The following TMC2 variants were observed in gnomAD, a reference collection of about 807,000 sequenced individuals.
The protein encoded by TMC2 is transmembrane channel like 2.
TMC2 carries 102 observed loss-of-function variants against 105.9 expected under a neutral mutation model. That is an observed-to-expected ratio of 0.96 (90% CI 0.82 to 1.14). TMC2 has a LOEUF of 1.14. Ranked by LOEUF, TMC2 falls within the 50% of genes most tolerant of loss-of-function variation. The probability of loss-of-function intolerance (pLI) is 0.00; values close to 1 mark genes in which losing one functional copy is unlikely to be tolerated. For missense variants in TMC2, 1,093 were observed against 1,134.3 expected, an observed-to-expected ratio of 0.96 and a Z score of 0.52; for synonymous variants, 402 against 422.8, an observed-to-expected ratio of 0.95 and a Z score of 0.60.
At chr20:2,571,378 C>T (rs2086101462) in intron 4 of TMC2, among the ~76,000 whole-genome samples, 1 of 152,090 alleles carries the variant, frequency 6.6e-6, no homozygotes, top group Non-Finnish European at 1.5e-5. Flanking sequence ...ACATACAAGC[C>T]TCCAACAAAC....
chr20:2,552,326 T>C (rs1344156258), intron 2 of TMC2, among the ~76,000 whole-genome samples: 2 of 152,218 alleles, frequency 1.3e-5, no homozygotes, highest in African/African-American at 2.4e-5. Flanking sequence ...GGGATTTTGA[T>C]TGAAATCGCA....
intron 19 of TMC2, 131 bp from the exon 20 acceptor site, chr20:2,641,003 G>A (rs370524178): frequency 1.1e-5 from 8 of 749,346 alleles, no homozygotes; most frequent in South Asian, 3.3e-5. Context: ...ACAGCTGAGT[G>A]CAATCCGACA....
At chr20:2,606,460 C>T (rs1600126342) in intron 11 of TMC2, among the ~76,000 whole-genome samples, 1 of 152,020 alleles carries the variant, frequency 6.6e-6, no homozygotes, top group Admixed American at 6.5e-5. Context: ...GGGTTTCACC[C>T]TGTTGGCCAG....
At chr20:2,589,530 C>G (rs968620082) in intron 7 of TMC2, among the ~76,000 whole-genome samples, 4 of 152,060 alleles carry the variant, frequency 2.6e-5, no homozygotes, top group African/African-American at 9.7e-5. Flanking sequence ...TGGGGAACAG[C>G]AATGCACAAT....
chr20:2,641,022 A>T, intron 19 of TMC2, 112 bp from the exon 20 acceptor site: 1 of 908,520 alleles, frequency 1.1e-6, no homozygotes, highest in Non-Finnish European at 1.7e-6. Context: ...CAGCTCTCAC[A>T]TCACCAAATA....
intron 4 of TMC2, among the ~76,000 whole-genome samples, chr20:2,569,487 T>C (rs1787731458): frequency 1.3e-5 from 2 of 152,236 alleles, no homozygotes; most frequent in Admixed American, 6.5e-5. Flanking sequence ...TATGGGCTTA[T>C]GATGGTTCAA....
rs1018154511 is a variant in TMC2 at position 2,643,199 on chromosome 20, A to C, written c.*1848A>C. ...ACCCAGGTCCAAGCCCCAAATCCAA[A>C]ACTGCCTGTGTGTCATATGCCTTCC... On this transcript the variant is annotated 3_prime_UTR_variant, in exon 20 of 20. Transcript: ENST00000358864. Among the ~76,000 whole-genome samples, 1 of 152,154 alleles carries C rather than the reference A, an allele frequency of 6.6e-6. No individual in the cohort carries two copies. The highest frequency in any genetic ancestry group is 2.4e-5 in the African/African-American group (1 of 41,436).
intron 11 of TMC2, among the ~76,000 whole-genome samples, chr20:2,603,705 C>G (rs1319661790): frequency 6.6e-6 from 1 of 152,076 alleles, no homozygotes; most frequent in Admixed American, 6.5e-5. Context: ...AGTGAGAGAC[C>G]CCCAAGACCA....
chr20:2,625,471 G>A (rs1025943104), intron 17 of TMC2, among the ~76,000 whole-genome samples: 11 of 152,154 alleles, frequency 7.2e-5, no homozygotes, highest in Non-Finnish European at 1.2e-4. Flanking sequence ...AATCACATGT[G>A]TGTATAGTAC....
At position 2,558,686 on chromosome 20, in the gene TMC2, G is replaced by A; in HGVS notation, c.313G>A (p.Ala105Thr). ...GGGCAGGAGAAAGCGCGACGAGAGG[G>A]CCTCCTTCCAGGAGCGGACAGCAGC... is the stretch of plus-strand genomic sequence containing the variant. Reference protein sequence around the residue: ...CEGRRKRDERASFQERTAAPK... With the variant: ...CEGRRKRDERTSFQERTAAPK... The change falls in exon 3 of 20, where the codon GCC (alanine) becomes ACC (threonine). Residue 105 changes from alanine (A) to threonine (T), a missense_variant. Ala to Thr is a moderately conservative substitution (Grantham distance 58). Transcript: ENST00000358864. The surrounding 1 kb of genome is among the most constrained non-coding windows in gnomAD (Gnocchi z 4.6). The A allele has an allele frequency of 1.2e-6, 2 of 1,602,870 alleles. No homozygotes were observed. Among genetic ancestry groups the A allele is most frequent in the South Asian group, 1.1e-5 (1 of 89,038 alleles).
At chr20:2,594,709 C>A (rs1022947651) in intron 8 of TMC2, 116 bp from the exon 9 acceptor site, 1 of 1,107,892 alleles carries the variant, frequency 9.0e-7, no homozygotes, top group Non-Finnish European at 1.3e-6. Flanking sequence ...ACTCTTCCTT[C>A]GGCCCTTAGA....
At chr20:2,548,442 G>A (rs1047945353) in intron 2 of TMC2, among the ~76,000 whole-genome samples, 10 of 152,000 alleles carry the variant, frequency 6.6e-5, no homozygotes, top group African/African-American at 1.7e-4. Context: ...GGTTCGAGAC[G>A]AGGCTGACCA....
At position 2,613,311 on chromosome 20, in the gene TMC2, G is replaced by A. The variant is rs149561217; in HGVS notation, c.1861G>A (p.Glu621Lys). Residue 621 changes from glutamate to lysine, a missense_variant, in exon 14 of 20, where the codon GAG (glutamate) becomes AAG (lysine). By Grantham distance (56) the Glu-to-Lys change is moderately conservative (BLOSUM62 1). Coordinates refer to ENST00000358864, the MANE Select transcript of TMC2 (RefSeq NM_080751.3). ...GAACTACTGCTGGTGCTGGGACTTG[G>A]AGGCTGGATTTGTAGGTCACCACTT... ...FMNYCWCWDL[E>K]AGFPSYAEFD... 1.5e-5 allele frequency: 24 copies of A among 1,614,148 alleles called. No individual in the cohort carries two copies. The African/African-American group carries it at 2.5e-4, about 17-fold the overall frequency.
Position 2,643,404 on chromosome 20 carries a change from G to C in TMC2, c.*2053G>C, listed in dbSNP as rs948326005. ...AGCCATTGGTCCCCTAGTGATTACT[G>C]TCAGGCCTCCACTGGTTACTAATAC... On this transcript the variant is annotated 3_prime_UTR_variant, in exon 20 of 20. Transcript: ENST00000358864. Among the ~76,000 whole-genome samples, 2 of 152,190 alleles carry C rather than the reference G, an allele frequency of 1.3e-5. No individual in the cohort carries two copies. Among genetic ancestry groups the C allele is most frequent in the African/African-American group, 4.8e-5 (2 of 41,440 alleles).
At chr20:2,549,538 T>C (rs1286865539) in intron 2 of TMC2, among the ~76,000 whole-genome samples, 3 of 151,904 alleles carry the variant, frequency 2.0e-5, no homozygotes, top group Non-Finnish European at 4.4e-5. Flanking sequence ...AGGTCAGGAG[T>C]TTGAGACCAG....
intron 2 of TMC2, among the ~76,000 whole-genome samples, chr20:2,551,918 A>C (rs889717692): frequency 1.3e-5 from 2 of 152,064 alleles, no homozygotes; most frequent in African/African-American, 4.8e-5. Context: ...TAGAGTCTTG[A>C]TGTGGATTGT....
chr20:2,588,479 A>C (rs577783128), intron 7 of TMC2, among the ~76,000 whole-genome samples: 1 of 152,356 alleles, frequency 6.6e-6, no homozygotes, highest in East Asian at 1.9e-4. Flanking sequence ...GTGTTGCTTT[A>C]GGCCATCTTT....
chr20:2,632,457 A>G (rs1435914602), intron 17 of TMC2, among the ~76,000 whole-genome samples: 1 of 152,138 alleles, frequency 6.6e-6, no homozygotes, highest in African/African-American at 2.4e-5. Flanking sequence ...AACATAACTG[A>G]TTTAAAGTCT....
chr20:2,610,366 A>T, intron 11 of TMC2, 53 bp from the exon 12 acceptor site: 1 of 1,523,094 alleles, frequency 6.6e-7, no homozygotes, highest in African/African-American at 1.4e-5. Context: ...CAGAGATGGC[A>T]GCCAAACAAG....
Sources: allele counts gnomAD v4.1 joint callset (sites outside exome capture counted in the v4.1 genomes callset), GRCh38; gene constraint gnomAD v4.1.1; non-coding constraint Gnocchi (gnomAD v3.1); transcripts MANE v1.5; gene names NCBI Gene and HGNC (gene_info 2026-07-23, HGNC 2026-07-21).